The following AMPH variants were observed in gnomAD, a reference collection of about 807,000 sequenced individuals.
AMPH encodes amphiphysin (Stiff-Mann syndrome with breast cancer 128kD autoantigen).
In AMPH, 49 loss-of-function variants were observed where a neutral mutation model predicts 99.1. That is an observed-to-expected ratio of 0.49 (90% CI 0.39 to 0.63). AMPH has a LOEUF of 0.63. AMPH is among the 20% of genes least tolerant of loss of function. The pLI is 0.00. For synonymous variants in AMPH, 314 were observed against 317.3 expected, an observed-to-expected ratio of 0.99 and a Z score of 0.11; for missense variants, 759 against 863.4, an observed-to-expected ratio of 0.88 and a Z score of 1.52.
chr7:38,417,576 C>A (rs1011875160), intron 17 of AMPH, among the ~76,000 whole-genome samples: 1 of 152,196 alleles, frequency 6.6e-6, no homozygotes, highest in East Asian at 1.9e-4. Context: ...AGTTCTACAA[C>A]CCTTCTACTG....
intron 2 of AMPH, among the ~76,000 whole-genome samples, chr7:38,529,153 A>G (rs1476386806): frequency 1.3e-5 from 2 of 152,224 alleles, no homozygotes; most frequent in Non-Finnish European, 2.9e-5. Context: ...ACACTCAAAA[A>G]TCATGCCTGT....
At chr7:38,525,273 T>TAGAGAG (rs1360827159) in intron 2 of AMPH, among the ~76,000 whole-genome samples, 20 of 83,338 alleles carry the variant, frequency 2.4e-4, no homozygotes, top group Admixed American at 5.5e-4. Flanking sequence ...TATATATATA[T>TAGAGAG]ATATAGAGAG....
intron 1 of AMPH, among the ~76,000 whole-genome samples, chr7:38,564,774 G>A (rs538047408): frequency 2.0e-4 from 31 of 152,094 alleles, no homozygotes; most frequent in African/African-American, 7.2e-4. Context: ...AGGTCGAAGT[G>A]GTGAAAAAAC....
intron 1 of AMPH, among the ~76,000 whole-genome samples, chr7:38,628,431 GC>G (rs1794334016): frequency 6.6e-6 from 1 of 152,104 alleles, no homozygotes; most frequent in African/African-American, 2.4e-5. Context: ...AAAGAGGTGT[GC>G]AAACATTCTC....
At chr7:38,436,410 C>T in intron 11 of AMPH, 22 bp from the exon 12 acceptor site, 2 of 1,546,990 alleles carry the variant, frequency 1.3e-6, no homozygotes, top group Non-Finnish European at 1.8e-6. Flanking sequence ...AACAACAAAA[C>T]AAAATAAAAC....
At chr7:38,503,810 G>A in intron 2 of AMPH, 106 bp from the exon 3 acceptor site, 3 of 1,096,150 alleles carry the variant, frequency 2.7e-6, no homozygotes, top group Non-Finnish European at 4.1e-6. Context: ...CTCATTCTTG[G>A]AAAAAAACAT....
chr7:38,535,375 T>C (rs926143113), intron 1 of AMPH, among the ~76,000 whole-genome samples: 15 of 152,186 alleles, frequency 9.9e-5, no homozygotes, highest in African/African-American at 3.6e-4. Context: ...GAATGCATAA[T>C]TGGTACTCAA....
In AMPH at chr7:38,570,995, T is replaced by TAGAATATATATATAGA. The variant is rs1281022401; in HGVS notation, c.70-35985_70-35984insTCTATATATATATTCT. Among the ~76,000 whole-genome samples the TAGAATATATATATAGA allele has an allele frequency of 1.4e-3, 15 of 10,836 alleles. 2 individuals are homozygous for TAGAATATATATATAGA. Among genetic ancestry groups the TAGAATATATATATAGA allele is most frequent in the Non-Finnish European group, 2.0e-3 (9 of 4,584 alleles). The allele number at this position is 10,836 out of a possible 152,430, so 7.1% of individuals were successfully genotyped here. A position where few individuals can be genotyped will look rare whatever the true frequency, so the allele number is the denominator to read the frequency against. ...AATATATATATATTCAATATATATA[T>TAGAATATATATATAGA]ATTCATATATATAGAATATATATAT... On this transcript the variant is annotated intron_variant, in intron 1 of 20. Coordinates refer to ENST00000356264, the MANE Select transcript of AMPH (RefSeq NM_001635.4).
chr7:38,579,528 T>C (rs966921366), intron 1 of AMPH, among the ~76,000 whole-genome samples: 5 of 152,234 alleles, frequency 3.3e-5, no homozygotes, highest in African/African-American at 1.2e-4. Flanking sequence ...TCCAGAGCAG[T>C]AGCTACAATT....
intron 11 of AMPH, among the ~76,000 whole-genome samples, chr7:38,451,408 A>T (rs868607337): frequency 2.2e-5 from 3 of 136,798 alleles, no homozygotes; most frequent in Non-Finnish European, 4.5e-5. Context: ...ACGTGTGTAT[A>T]TACACACATA....
At chr7:38,494,375 G>T in intron 4 of AMPH, 58 bp downstream of exon 4, 2 of 1,406,750 alleles carry the variant, frequency 1.4e-6, no homozygotes, top group Non-Finnish European at 2.0e-6. Context: ...GCAAGTCAGG[G>T]GACAGGTGGA....
intron 17 of AMPH, among the ~76,000 whole-genome samples, chr7:38,414,753 C>T (rs1785317835): frequency 1.3e-5 from 2 of 152,106 alleles, no homozygotes; most frequent in African/African-American, 4.8e-5. Flanking sequence ...GCACCTCTGC[C>T]TTCTGGGTTC....
chr7:38,514,605 T>C (rs1789666515), intron 2 of AMPH, among the ~76,000 whole-genome samples: 2 of 152,202 alleles, frequency 1.3e-5, no homozygotes, highest in Admixed American at 1.3e-4. Flanking sequence ...GCCATTATCA[T>C]GTGAGTGGCC....
chr7:38,591,572 C>T (rs1301566412), intron 1 of AMPH, among the ~76,000 whole-genome samples: 1 of 152,158 alleles, frequency 6.6e-6, no homozygotes, highest in Non-Finnish European at 1.5e-5. Context: ...CAGGCATAAG[C>T]CACCACGCCT....
chr7:38,432,873 T>C (rs1786089285), intron 12 of AMPH, among the ~76,000 whole-genome samples: 2 of 152,152 alleles, frequency 1.3e-5, no homozygotes, highest in Non-Finnish European at 2.9e-5. Flanking sequence ...CATGAATGAA[T>C]TACACTTACT....
intron 16 of AMPH, among the ~76,000 whole-genome samples, chr7:38,420,571 C>T (rs549233389): frequency 2.4e-4 from 37 of 152,312 alleles, no homozygotes; most frequent in Non-Finnish European, 1.3e-4. Context: ...GGACCATAAA[C>T]CAATTATTCC....
At chr7:38,578,675 A>G (rs56046348) in intron 1 of AMPH, among the ~76,000 whole-genome samples, 42,795 of 152,000 alleles carry the variant, frequency 0.28, 6,428 homozygotes, top group Non-Finnish European at 0.34. Context: ...AGGCTAAGGC[A>G]GGAGGATCAC....
intron 1 of AMPH, among the ~76,000 whole-genome samples, chr7:38,538,078 A>T (rs1021077832): frequency 2.6e-5 from 4 of 152,232 alleles, no homozygotes; most frequent in Non-Finnish European, 5.9e-5. Flanking sequence ...AAAAGTTTTC[A>T]TCATAGTTTC....
At chr7:38,476,439 A>G (rs17506922) in intron 6 of AMPH, among the ~76,000 whole-genome samples, 13,014 of 152,226 alleles carry the variant, frequency 0.085, 784 homozygotes, top group Middle Eastern at 0.2. Context: ...GGTGAAAGCT[A>G]CTAAAAAATG....
Sources: allele counts gnomAD v4.1 joint callset (sites outside exome capture counted in the v4.1 genomes callset), GRCh38; gene constraint gnomAD v4.1.1; transcripts MANE v1.5; gene names NCBI Gene and HGNC (gene_info 2026-07-23, HGNC 2026-07-21).